The following ST14 variants were observed in gnomAD, a reference collection of about 807,000 sequenced individuals.
ST14 encodes the protein suppressor of tumorigenicity 14 protein.
In ST14, 40 loss-of-function variants were observed where a neutral mutation model predicts 96.5. The ratio of observed to expected loss-of-function variants is 0.41; its 90% confidence interval spans 0.32 to 0.54. The LOEUF is 0.54. Ranked by LOEUF, ST14 falls within the 20% of genes least tolerant of loss-of-function variation. The pLI is 0.17. For missense variants in ST14, 1,066 were observed against 1,188.9 expected (o/e 0.90, Z 1.52); for synonymous variants, 506 against 492.1 (o/e 1.03, Z -0.37).
At position 130,188,967 on chromosome 11, in the gene ST14, A is replaced by T. The variant is rs373691390; in HGVS notation, c.440+28A>T. The T allele has an allele frequency of 3.2e-5, 51 of 1,596,910 alleles. No homozygotes were observed. The highest frequency in any genetic ancestry group is 1.6e-4 in the Middle Eastern group (1 of 6,062). Reference sequence around the variant, plus strand: ...GGGTGTGGAGAGAAGGCTCAGTGGGATGCACCCCAGACTGGCTGGGAGTAG... The same window carrying T: ...GGGTGTGGAGAGAAGGCTCAGTGGGTTGCACCCCAGACTGGCTGGGAGTAG... On this transcript the variant is annotated intron_variant, in intron 4 of 18. Coordinates refer to ENST00000278742, the MANE Select transcript of ST14 (RefSeq NM_021978.4). The surrounding 1 kb of genome is among the most constrained non-coding windows in gnomAD (Gnocchi z 5.4).
chr11:130,172,168 GCA>G (rs1953098187), intron 1 of ST14, among the ~76,000 whole-genome samples: 1 of 151,864 alleles, frequency 6.6e-6, no homozygotes, highest in African/African-American at 2.4e-5. Context: ...AAGCTGGAGT[GCA>G]GTGGCGTGAT....
At chr11:130,160,588 G>A (rs1404291712) in intron 1 of ST14, among the ~76,000 whole-genome samples, 1 of 152,192 alleles carries the variant, frequency 6.6e-6, no homozygotes, top group East Asian at 1.9e-4. Flanking sequence ...GAACTCCAGA[G>A]TTGGGCTTGC....
chr11:130,193,357 C>T (rs624534), intron 7 of ST14, among the ~76,000 whole-genome samples: 126,638 of 152,132 alleles, frequency 0.83, 52,821 homozygotes, highest in East Asian at 0.95. Context: ...GATTATAGGC[C>T]CGACCTTGGC....
chr11:130,201,891 T>A (rs1953432639), intron 16 of ST14, among the ~76,000 whole-genome samples: 2 of 152,220 alleles, frequency 1.3e-5, no homozygotes, highest in South Asian at 4.1e-4. Flanking sequence ...CCACTTCTCT[T>A]TGAGGTTGGC....
chr11:130,185,577 G>A (rs1356372700), intron 1 of ST14, among the ~76,000 whole-genome samples: 2 of 152,052 alleles, frequency 1.3e-5, no homozygotes, highest in African/African-American at 2.4e-5. Flanking sequence ...GATTGCCTGA[G>A]CTCAGGAGTT....
rs571604799 is a variant in ST14 at position 130,182,374 on chromosome 11, GGC to G, written c.82-5739_82-5738del. Reference sequence around the variant, plus strand: ...TGTCTCTGTCTCGCCCAGGCAGGAGGGCAGTGGCATGACTATGGCTCACTGCA... The same window carrying G: ...TGTCTCTGTCTCGCCCAGGCAGGAGGAGTGGCATGACTATGGCTCACTGCA... On this transcript the variant is annotated intron_variant, in intron 1 of 18. Transcript: ENST00000278742. Among the ~76,000 whole-genome samples the G allele has an allele frequency of 3.1e-4, 47 of 151,376 alleles. No individual in the cohort carries two copies. The East Asian group carries it at 8.8e-3, about 28-fold the overall frequency.
At chr11:130,174,908 C>T (rs2136205462) in intron 1 of ST14, among the ~76,000 whole-genome samples, 1 of 152,308 alleles carries the variant, frequency 6.6e-6, no homozygotes, top group Admixed American at 6.5e-5. Flanking sequence ...GGTTCATTAG[C>T]CCTTTTTCCT....
chr11:130,181,856 A>T lies in ST14; in HGVS notation c.82-6258A>T, dbSNP rs1953196268. ...GCAGCCCAGTTACTGATTAGACAGCACTTTTAGGCTGGGTGGAGCCACAGA... is the reference window on the plus strand; with the variant it reads ...GCAGCCCAGTTACTGATTAGACAGCTCTTTTAGGCTGGGTGGAGCCACAGA... On this transcript the variant is annotated intron_variant, in intron 1 of 18. Coordinates refer to ENST00000278742, the MANE Select transcript of ST14 (RefSeq NM_021978.4). This position sits in a 1 kb window ranked among gnomAD's most constrained non-coding sequence, Gnocchi z 4.1. Among the ~76,000 whole-genome samples, 1 of 152,202 alleles carries T rather than the reference A, an allele frequency of 6.6e-6. No individual in the cohort carries two copies. The highest frequency in any genetic ancestry group is 2.1e-4 in the South Asian group (1 of 4,826).
chr11:130,179,095 G>C (rs1376187613), intron 1 of ST14, among the ~76,000 whole-genome samples: 1 of 152,162 alleles, frequency 6.6e-6, no homozygotes, highest in Non-Finnish European at 1.5e-5. Flanking sequence ...TGACAGGAAG[G>C]GGTGAGCCTC....
At chr11:130,192,080 G>T (rs959139038) in intron 7 of ST14, among the ~76,000 whole-genome samples, 1 of 152,218 alleles carries the variant, frequency 6.6e-6, no homozygotes, top group African/African-American at 2.4e-5. Flanking sequence ...TCAGGGTGGG[G>T]CGTACCTCGC....
intron 1 of ST14, among the ~76,000 whole-genome samples, chr11:130,173,257 C>G (rs1953109036): frequency 1.3e-5 from 2 of 152,202 alleles, no homozygotes; most frequent in East Asian, 3.8e-4. Flanking sequence ...AGCCCAATTC[C>G]TCCCTCTGGT....
rs532117230 is a variant in ST14, at chr11:130,169,340, C to A, written c.81+9280C>A. Among the ~76,000 whole-genome samples the A allele has an allele frequency of 3.3e-5, 5 of 152,272 alleles. No individual in the cohort carries two copies. In the South Asian group the frequency reaches 1.0e-3, roughly 32 times the overall value. On this transcript the variant is annotated intron_variant, in intron 1 of 18. Coordinates refer to ENST00000278742, the MANE Select transcript of ST14 (RefSeq NM_021978.4). Reference sequence around the variant, plus strand: ...GAAATCCTGACCTCAGGTGATCCACCCGCCTTGGCCTTCCAAAGTGCTGGG... The same window carrying A: ...GAAATCCTGACCTCAGGTGATCCACACGCCTTGGCCTTCCAAAGTGCTGGG...
intron 1 of ST14, among the ~76,000 whole-genome samples, chr11:130,166,767 G>A (rs1030604044): frequency 1.3e-5 from 2 of 152,218 alleles, no homozygotes; most frequent in Non-Finnish European, 2.9e-5. Flanking sequence ...GAGCCCAGGA[G>A]AGATCAGGCA....
chr11:130,188,875 C>G lies in ST14; in HGVS notation c.376C>G (p.Leu126Val). The G allele has an allele frequency of 6.2e-7, 1 of 1,612,990 alleles. No individual in the cohort carries two copies. The highest frequency in any genetic ancestry group is 1.1e-5 in the South Asian group (1 of 90,726). Residue 126 changes from leucine (L) to valine (V), a missense_variant, in exon 4 of 19, where the codon CTG becomes GTG. Leu to Val is a conservative substitution (Grantham distance 32). Transcript: ENST00000278742. The surrounding 1 kb of genome is among the most constrained non-coding windows in gnomAD (Gnocchi z 5.4). Reference protein sequence around the residue: ...LASKVKDALKLLYSGVPFLGP... With the variant: ...LASKVKDALKVLYSGVPFLGP... ...AGTCTCTGCCCTTCCTCAGCTGAAGCTGCTGTACAGCGGAGTCCCATTCCT... is the reference window on the plus strand; with the variant it reads ...AGTCTCTGCCCTTCCTCAGCTGAAGGTGCTGTACAGCGGAGTCCCATTCCT...
At chr11:130,160,486 G>GTC (rs1189755389) in intron 1 of ST14, among the ~76,000 whole-genome samples, 1 of 152,098 alleles carries the variant, frequency 6.6e-6, no homozygotes, top group Non-Finnish European at 1.5e-5. Context: ...AGTTTCTTTC[G>GTC]TCTCTCTCCT....
At chr11:130,160,207 C>A in intron 1 of ST14, 147 bp downstream of exon 1, 2 of 530,900 alleles carry the variant, frequency 3.8e-6, no homozygotes, top group Non-Finnish European at 5.8e-6. Flanking sequence ...TCAGCGGGTG[C>A]CGGGCCGCGG....
At chr11:130,206,613 G>A (rs906118782) in intron 16 of ST14, among the ~76,000 whole-genome samples, 4 of 147,138 alleles carry the variant, frequency 2.7e-5, no homozygotes, top group African/African-American at 7.4e-5. Flanking sequence ...TGTTGCCCAG[G>A]CTGGAGTTCA....
chr11:130,171,680 T>C (rs1413627817), intron 1 of ST14, among the ~76,000 whole-genome samples: 2 of 152,192 alleles, frequency 1.3e-5, no homozygotes, highest in Non-Finnish European at 2.9e-5. Flanking sequence ...TAAACACCAC[T>C]AGCCACATGG....
rs182567886 is a variant in ST14, at chr11:130,161,696, C to T, written c.81+1636C>T. ...CTCTGCGAAGCTCATTTGCTCTCTG[C>T]GCCCTTGGGCTGTTCCTTCCCCCTC... On this transcript the variant is annotated intron_variant, in intron 1 of 18. Coordinates refer to ENST00000278742, the MANE Select transcript of ST14 (RefSeq NM_021978.4). 3.3e-3 allele frequency among the ~76,000 whole-genome samples: 507 copies of T among 152,334 alleles called. 4 individuals are homozygous for T. Among genetic ancestry groups the T allele is most frequent in the Non-Finnish European group, 5.1e-3 (345 of 68,026 alleles).
Sources: gnomAD v4.1 joint callset for allele counts (sites outside exome capture counted in the v4.1 genomes callset) on GRCh38, gnomAD v4.1.1 for gene constraint, Gnocchi (gnomAD v3.1) non-coding constraint, MANE v1.5 for transcripts, NCBI Gene and HGNC (gene_info 2026-07-23, HGNC 2026-07-21) for gene names.